The following XPO5 variants were observed in gnomAD, a reference collection of about 807,000 sequenced individuals.
XPO5 encodes exportin 5.
A neutral mutation model predicts 160.6 loss-of-function variants in XPO5; 46 were observed. The ratio of observed to expected loss-of-function variants is 0.29; its 90% CI spans 0.23 to 0.37. The LOEUF (loss-of-function observed/expected upper bound fraction) is 0.37. Among genes scored for constraint, XPO5 ranks in the 10% least tolerant of loss-of-function variants. XPO5 has a pLI of 1.00. For missense variants in XPO5, 1,090 were observed against 1,463.9 expected, an observed-to-expected ratio of 0.74 and a Z score of 4.17; for synonymous variants, 537 against 519.3, an observed-to-expected ratio of 1.03 and a Z score of -0.46.
Position 43,549,818 on chromosome 6 carries a change from T to C in XPO5, c.1770+75A>G, listed in dbSNP as rs556879121. 15 of 1,464,542 alleles carry C rather than the reference T, an allele frequency of 1.0e-5. No individual in the cohort carries two copies. In the East Asian group the frequency reaches 3.4e-4, roughly 33 times the overall value. The allele number at this position is 1,464,542 out of a possible 1,614,324, so 90.7% of individuals were successfully genotyped here. On this transcript the variant is annotated intron_variant, in intron 16 of 31. Coordinates refer to ENST00000265351, the MANE Select transcript of XPO5 (RefSeq NM_020750.3). The stretch of plus-strand genomic sequence containing the variant: ...CTACCCCCTCCCATTTATATAAAAA[T>C]ATAAACTGAGTATCAGGTATTCATA...
rs994862483 is a variant in XPO5 at position 43,567,096 on chromosome 6, A to G, written c.834+73T>C. Reference sequence around the variant, plus strand: ...CCAAACCTTTAAATGACTTTCTGCCACAACATGCAATTAAACACATACACA... The same window carrying G: ...CCAAACCTTTAAATGACTTTCTGCCGCAACATGCAATTAAACACATACACA... On this transcript the variant is annotated intron_variant, in intron 7 of 31. Coordinates refer to ENST00000265351, the MANE Select transcript of XPO5 (RefSeq NM_020750.3). The G allele has an allele frequency of 5.5e-6, 8 of 1,446,246 alleles. No homozygotes were observed. In the African/African-American group the frequency reaches 7.1e-5, roughly 13 times the overall value. 89.6% of individuals were successfully genotyped at this position (1,446,246 alleles called of 1,614,324 possible). A position where few individuals can be genotyped will look rare whatever the true frequency, so the allele number is the denominator to read the frequency against.
At chr6:43,524,282 G>A (rs1175067120) in intron 31 of XPO5, among the ~76,000 whole-genome samples, 189 bp downstream of exon 31, 1 of 151,746 alleles carries the variant, frequency 6.6e-6, no homozygotes, top group African/African-American at 2.4e-5. Flanking sequence ...AACCTGGGAG[G>A]CGGAGGTTGT....
intron 12 of XPO5, among the ~76,000 whole-genome samples, chr6:43,556,874 A>G (rs1010636463): frequency 6.6e-6 from 1 of 152,228 alleles, no homozygotes; most frequent in Non-Finnish European, 1.5e-5. Context: ...CACGCCTATA[A>G]TCCAGCACTT....
In XPO5 at chr6:43,572,544, C is replaced by A; in HGVS notation, c.262G>T (p.Val88Leu). The A allele has an allele frequency of 6.2e-7, 1 of 1,613,968 alleles. No individual in the cohort carries two copies. The highest frequency in any genetic ancestry group is 8.5e-7 in the Non-Finnish European group (1 of 1,179,906). The change falls in exon 3 of 32, where the codon GTG (valine) becomes TTG (leucine). Residue 88 changes from valine to leucine, a missense_variant. By Grantham distance (32) the Val-to-Leu change is conservative (BLOSUM62 1). Coordinates refer to ENST00000265351, the MANE Select transcript of XPO5 (RefSeq NM_020750.3). ...RWNGMSRLEK[V>L]YLKNSVMELI... is the part of the protein sequence containing the mutation. ...TCCATGACACTGTTCTTCAGATACACCTTCTCCAATCGAGACATGCCGTTC... is the reference window on the plus strand; with the variant it reads ...TCCATGACACTGTTCTTCAGATACAACTTCTCCAATCGAGACATGCCGTTC...
At chr6:43,561,175 T>C (rs1376538890) in intron 9 of XPO5, among the ~76,000 whole-genome samples, 168 bp from the exon 10 acceptor site, 3 of 152,176 alleles carry the variant, frequency 2.0e-5, no homozygotes, top group Admixed American at 1.3e-4. Flanking sequence ...GGCTAAAATA[T>C]AGGTTACTTT....
At chr6:43,568,790 T>C in intron 5 of XPO5, 53 bp from the exon 6 acceptor site, 1 of 1,472,208 alleles carries the variant, frequency 6.8e-7, no homozygotes, top group Non-Finnish European at 9.2e-7. Flanking sequence ...GGCCACATAA[T>C]AACTTTCTAC....
chr6:43,569,304 AAC>A (rs1268469429), intron 5 of XPO5, among the ~76,000 whole-genome samples: 4,827 of 150,094 alleles, frequency 0.032, 242 homozygotes, highest in African/African-American at 0.1. Flanking sequence ...AAAAAAAAAA[AAC>A]AACAAAAAAA....
chr6:43,540,475 T>C (rs904527688), intron 20 of XPO5, among the ~76,000 whole-genome samples: 10 of 150,640 alleles, frequency 6.6e-5, no homozygotes, highest in African/African-American at 2.2e-4. Flanking sequence ...CAAGACTCCG[T>C]CTCAAAATAA....
chr6:43,526,699 G>T lies in XPO5; in HGVS notation c.2969C>A (p.Pro990Gln), dbSNP rs982466746. Residue 990 changes from proline to glutamine, a missense_variant, in exon 27 of 32, where the codon CCA becomes CAA. Pro to Gln is a moderately conservative substitution (Grantham distance 76, BLOSUM62 -1). Transcript: ENST00000265351. Reference protein sequence around the residue: ...KKGADHSSAPPADGDDEEMMA... With the variant: ...KKGADHSSAPQADGDDEEMMA... ...GGCTCACTTACCGTCTCCATCTGCT[G>T]GGGGAGCACTACTGTGGTCAGCACC... 1 of 1,613,906 alleles carries T rather than the reference G, an allele frequency of 6.2e-7. No homozygotes were observed. Among genetic ancestry groups the T allele is most frequent in the African/African-American group, 1.3e-5 (1 of 75,046 alleles).
chr6:43,535,307 T>C (rs562910735), intron 20 of XPO5, among the ~76,000 whole-genome samples: 2 of 149,316 alleles, frequency 1.3e-5, no homozygotes, highest in South Asian at 2.1e-4. Flanking sequence ...AGTGTTTCTA[T>C]GGCTGGGCCC....
At chr6:43,573,837 TTTTTG>T in intron 1 of XPO5, among the ~76,000 whole-genome samples, 1 of 142,014 alleles carries the variant, frequency 7.0e-6, no homozygotes, top group African/African-American at 2.7e-5. Flanking sequence ...TTTTTTTTTT[TTTTTG>T]AGACGGAGTC....
rs766767634 is a variant in XPO5, at chr6:43,523,955, G to A, written c.3528C>T (p.Pro1176=). ...FRKEVHIKNL[P]SLFKKTKPML... is the part of the protein sequence containing the mutation. ...TTGGCTTTGTTTTTTTGAAAAGTGA[G>A]GGAAGATTCTTAATGTGAACTTCTT... Residue 1176 remains proline (P), a synonymous_variant, in exon 32 of 32, where the codon CCC becomes CCT. Coordinates refer to ENST00000265351, the MANE Select transcript of XPO5 (RefSeq NM_020750.3). 6.2e-7 allele frequency: 1 copy of A among 1,613,930 alleles called. No individual in the cohort carries two copies. The highest frequency in any genetic ancestry group is 2.2e-5 in the East Asian group (1 of 44,876).
Position 43,526,627 on chromosome 6 carries a change from A to C in XPO5, c.2983+58T>G, listed in dbSNP as rs1793610734. ...CTGCAAGGAAACTGACCTGGTTCAG[A>C]AGGAACAGTATTTAGGAGGCTAAGA... On this transcript the variant is annotated intron_variant, in intron 27 of 31. Transcript: ENST00000265351. 3 of 1,595,680 alleles carry C rather than the reference A, an allele frequency of 1.9e-6. No individual in the cohort carries two copies. In the South Asian group the frequency reaches 3.4e-5, roughly 18 times the overall value.
At position 43,557,165 on chromosome 6, in the gene XPO5, G is replaced by A. The variant is rs1009614371; in HGVS notation, c.1313-1201C>T. On this transcript the variant is annotated intron_variant, in intron 12 of 31. Coordinates refer to ENST00000265351, the MANE Select transcript of XPO5 (RefSeq NM_020750.3). ...AAAAAGGCTGGGTGTGGTGGCTTAC[G>A]CCTGTAATCCTAGTACTTTGGGAAG... 5.0e-5 allele frequency among the ~76,000 whole-genome samples: 7 copies of A among 139,598 alleles called. No homozygotes were observed. In the East Asian group the frequency reaches 1.5e-3, roughly 30 times the overall value. The allele number at this position is 139,598 out of a possible 152,430, so 91.6% of individuals were successfully genotyped here. A position where few individuals can be genotyped will look rare whatever the true frequency, so the allele number is the denominator to read the frequency against.
chr6:43,530,549 A>AATGACATGAT, intron 23 of XPO5, 139 bp downstream of exon 23: 1 of 1,020,820 alleles, frequency 9.8e-7, no homozygotes, highest in Non-Finnish European at 1.4e-6. Context: ...CAGTGTTTTT[A>AATGACATGAT]ATGACATGAT....
chr6:43,542,495 C>T (rs372109931), intron 20 of XPO5, among the ~76,000 whole-genome samples: 2 of 152,202 alleles, frequency 1.3e-5, no homozygotes, highest in African/African-American at 2.4e-5. Flanking sequence ...CTGCAACCTC[C>T]GCCTCCCAAG....
chr6:43,556,162 A>G, intron 12 of XPO5, 198 bp from the exon 13 acceptor site: 1 of 613,574 alleles, frequency 1.6e-6, no homozygotes. Flanking sequence ...TGATCTCTGG[A>G]AACTGTATTA....
Position 43,523,853 on chromosome 6 carries a change from G to GC in XPO5, c.*14dup. 1 of 1,613,968 alleles carries GC rather than the reference G, an allele frequency of 6.2e-7. No homozygotes were observed. Among genetic ancestry groups the GC allele is most frequent in the Non-Finnish European group, 8.5e-7 (1 of 1,179,864 alleles). ...ATGACAAGAAAGGCCGAGGAAGGAT[G>GC]CCCAAAAGCTTGATTCAGGGTTCAA... On this transcript the variant is annotated 3_prime_UTR_variant, in exon 32 of 32. Transcript: ENST00000265351.
chr6:43,524,868 G>GA lies in XPO5; in HGVS notation c.3274dup (p.Ser1092PhefsTer29). The GA allele has an allele frequency of 6.2e-7, 1 of 1,613,908 alleles. No individual in the cohort carries two copies. Among genetic ancestry groups the GA allele is most frequent in the Non-Finnish European group, 8.5e-7 (1 of 1,179,900 alleles). On this transcript the variant is annotated frameshift_variant, in exon 30 of 32. Coordinates refer to ENST00000265351, the MANE Select transcript of XPO5 (RefSeq NM_020750.3). LOFTEE classifies it high-confidence loss of function. ...TATCTGGAAGGCCAGATGGACCAGGGAAGCCATGCACCCGTCGTGCTGCCC... is the reference window on the plus strand; with the variant it reads ...TATCTGGAAGGCCAGATGGACCAGGGAAAGCCATGCACCCGTCGTGCTGCCC...
Sources: gnomAD v4.1 joint callset for allele counts (sites outside exome capture counted in the v4.1 genomes callset) on GRCh38, gnomAD v4.1.1 for gene constraint, MANE v1.5 for transcripts, NCBI Gene and HGNC (gene_info 2026-07-23, HGNC 2026-07-21) for gene names.